The following TXLNG variants were observed in gnomAD, a reference collection of about 807,000 sequenced individuals.
TXLNG encodes the protein taxilin gamma.
Under a neutral mutation model 38.8 loss-of-function variants are expected in TXLNG, and 5 were observed. That is an observed-to-expected ratio of 0.13 (90% CI 0.07 to 0.27). The LOEUF (loss-of-function observed/expected upper bound fraction) is 0.27, where lower values mean the gene tolerates loss of function less well. Among genes scored for constraint, TXLNG ranks in the 10% least tolerant of loss-of-function variants. The pLI, the probability that TXLNG is intolerant of heterozygous loss-of-function variation, is 1.00. For synonymous variants in TXLNG, 182 were observed against 158.2 expected, an observed-to-expected ratio of 1.15 and a Z score of -1.13; for missense variants, 393 against 398.2, an observed-to-expected ratio of 0.99 and a Z score of 0.11.
chrX:16,797,144 C>T (rs1390654695), intron 1 of TXLNG, among the ~76,000 whole-genome samples: 2 of 109,740 alleles, frequency 1.8e-5, no homozygotes, highest in South Asian at 3.9e-4. Flanking sequence ...ATTAGCCAGA[C>T]GTGGTGGCGC....
intron 4 of TXLNG, 74 bp from the exon 5 acceptor site, chrX:16,829,502 A>G (rs1028906678): frequency 6.9e-6 from 7 of 1,011,149 alleles, no homozygotes; most frequent in Non-Finnish European, 9.3e-6. Context: ...ATGAACCCAC[A>G]TTGCAGCAGC....
intron 4 of TXLNG, 94 bp from the exon 5 acceptor site, chrX:16,829,482 G>T: frequency 1.2e-6 from 1 of 842,928 alleles, no homozygotes; most frequent in Non-Finnish European, 1.7e-6. Context: ...ACACGTCAGG[G>T]CAGCAACAAA....
chrX:16,807,891 A>C (rs1261098684), intron 1 of TXLNG, among the ~76,000 whole-genome samples: 1 of 111,718 alleles, frequency 9.0e-6, no homozygotes, highest in African/African-American at 3.3e-5. Context: ...AAGAAACCTA[A>C]AAATTTTTTT....
intron 5 of TXLNG, among the ~76,000 whole-genome samples, chrX:16,831,436 C>T: frequency 8.9e-6 from 1 of 112,420 alleles, no homozygotes; most frequent in East Asian, 2.8e-4. Context: ...AGTCACTATT[C>T]AAATTTTTTG....
At chrX:16,830,049 T>C (rs1929330839) in intron 5 of TXLNG, among the ~76,000 whole-genome samples, 1 of 111,350 alleles carries the variant, frequency 9.0e-6, no homozygotes, top group Non-Finnish European at 1.9e-5. Context: ...TTTTCGCATG[T>C]AGATTGTTTT....
At chrX:16,809,789 G>A (rs1928450971) in intron 1 of TXLNG, among the ~76,000 whole-genome samples, 1 of 111,839 alleles carries the variant, frequency 8.9e-6, no homozygotes. Context: ...TGTATGTTGA[G>A]CAGCATCTGT....
At chrX:16,835,929 C>T (rs1386789091) in intron 7 of TXLNG, among the ~76,000 whole-genome samples, 1 of 112,676 alleles carries the variant, frequency 8.9e-6, no homozygotes, top group Admixed American at 9.3e-5. Context: ...CAGCACTGAA[C>T]TCTCACATGG....
At chrX:16,787,312 G>A (rs1469691663) in intron 1 of TXLNG, among the ~76,000 whole-genome samples, 3 of 112,142 alleles carry the variant, frequency 2.7e-5, no homozygotes, top group Non-Finnish European at 5.7e-5. Flanking sequence ...CCTCGGTCCT[G>A]CAGAGTTGGG....
intron 3 of TXLNG, among the ~76,000 whole-genome samples, chrX:16,822,489 A>G (rs940218244): frequency 5.4e-5 from 6 of 112,043 alleles, no homozygotes; most frequent in African/African-American, 1.9e-4. Flanking sequence ...CAGAGCAGTC[A>G]CAAATGCAAA....
intron 1 of TXLNG, among the ~76,000 whole-genome samples, chrX:16,811,975 T>C (rs1393200047): frequency 9.1e-6 from 1 of 109,712 alleles, no homozygotes; most frequent in Admixed American, 9.8e-5. Context: ...TGTATAGTGG[T>C]AATAGTAAAT....
chrX:16,839,774 A>G, intron 8 of TXLNG, 47 bp from the exon 9 acceptor site: 9 of 966,790 alleles, frequency 9.3e-6, no homozygotes, highest in Non-Finnish European at 1.3e-5. Flanking sequence ...CAGGGAGTAG[A>G]GATAAGGAAG....
intron 1 of TXLNG, among the ~76,000 whole-genome samples, chrX:16,788,136 A>T (rs1281440674): frequency 8.9e-6 from 1 of 112,406 alleles, no homozygotes; most frequent in Non-Finnish European, 1.9e-5. Flanking sequence ...GTGGAGTGCC[A>T]ATCTCAGTGT....
intron 1 of TXLNG, among the ~76,000 whole-genome samples, chrX:16,790,049 C>T (rs901561833): frequency 3.6e-5 from 4 of 110,821 alleles, no homozygotes; most frequent in African/African-American, 9.8e-5. Context: ...CTGCCCGCCT[C>T]GGCCTCCCAA....
chrX:16,841,129 A>G (rs1929801350), intron 9 of TXLNG, among the ~76,000 whole-genome samples: 1 of 109,053 alleles, frequency 9.2e-6, no homozygotes, highest in Non-Finnish European at 1.9e-5. Context: ...CAGGAGGCAG[A>G]GGTTGCAGTG....
chrX:16,838,335 G>A (rs775411189), intron 8 of TXLNG, among the ~76,000 whole-genome samples: 57 of 111,828 alleles, frequency 5.1e-4, no homozygotes, highest in Non-Finnish European at 9.4e-4. Flanking sequence ...AAAACATAGC[G>A]TTGGGTTGGG....
chrX:16,806,891 TG>T (rs1403322081), intron 1 of TXLNG, among the ~76,000 whole-genome samples: 1 of 92,314 alleles, frequency 1.1e-5, no homozygotes, highest in South Asian at 5.4e-4. Flanking sequence ...CACTCCATCC[TG>T]GGGGACAGAG....
intron 5 of TXLNG, among the ~76,000 whole-genome samples, chrX:16,830,885 G>A (rs968351536): frequency 2.1e-4 from 19 of 88,805 alleles, no homozygotes; most frequent in Non-Finnish European, 3.0e-4. Context: ...GTGTGTGTGT[G>A]TATAGAGACA....
Position 16,828,135 on chromosome X carries a change from G to A in TXLNG, c.540G>A (p.Leu180=). ...SRSVQKQMKI[L]QKKQAQIVKE... ...GTGTTCAGAAGCAAATGAAGATCCT[G>A]CAGAAGAAGCAAGCCCAGATTGTGA... Residue 180 remains leucine (L), a synonymous_variant, in exon 4 of 10, where the codon CTG becomes CTA. Transcript: ENST00000380122. The A allele has an allele frequency of 8.3e-7, 1 of 1,210,898 alleles. No homozygotes were observed. Among genetic ancestry groups the A allele is most frequent in the African/African-American group, 1.7e-5 (1 of 57,808 alleles).
chrX:16,835,578 C>T (rs1929559865), intron 7 of TXLNG, among the ~76,000 whole-genome samples: 1 of 111,905 alleles, frequency 8.9e-6, no homozygotes, highest in Non-Finnish European at 1.9e-5. Context: ...GTGTCATTGA[C>T]AATGCTGCGG....
Sources: gnomAD v4.1 joint callset for allele counts (sites outside exome capture counted in the v4.1 genomes callset) on GRCh38, gnomAD v4.1.1 for gene constraint, MANE v1.5 for transcripts, NCBI Gene and HGNC (gene_info 2026-07-23, HGNC 2026-07-21) for gene names.